FOXP2: variants seen among roughly 807,000 people sequenced by gnomAD.
FOXP2 encodes forkhead box P2, also known as forkhead box protein P2.
A neutral mutation model predicts 115.8 loss-of-function variants in FOXP2; 12 were observed. The ratio of observed to expected loss-of-function variants is 0.10; its 90% CI spans 0.07 to 0.17. The LOEUF is 0.17. Ranked by LOEUF, FOXP2 falls within the 10% of genes least tolerant of loss-of-function variation. The pLI, the probability that FOXP2 is intolerant of heterozygous loss-of-function variation, is 1.00. For missense variants in FOXP2, 629 were observed against 843.5 expected, an observed-to-expected ratio of 0.75 and a Z score of 3.15; for synonymous variants, 328 against 297.7, an observed-to-expected ratio of 1.10 and a Z score of -1.05.
At chr7:114,334,847 C>A (rs1797802439) in intron 2 of FOXP2, among the ~76,000 whole-genome samples, 1 of 145,184 alleles carries the variant, frequency 6.9e-6, no homozygotes, top group African/African-American at 2.5e-5. Context: ...GTTTTGTGAG[C>A]TAGAATGTAC....
chr7:114,363,452 G>A (rs535158339), intron 2 of FOXP2, among the ~76,000 whole-genome samples: 2 of 152,214 alleles, frequency 1.3e-5, no homozygotes, highest in African/African-American at 4.8e-5. Context: ...CATAAGGCGA[G>A]TGTCTTAAAA....
intron 1 of FOXP2, among the ~76,000 whole-genome samples, chr7:114,145,431 TTTTTCTTTTCTTTTCTTTTC>T (rs61612673): frequency 0.061 from 6,116 of 100,368 alleles, 332 homozygotes; most frequent in African/African-American, 0.17. Flanking sequence ...GCTTTGCCAT[TTTTTCTTTTCTTTTCTTTTC>T]TTTTCTTTTC....
At chr7:114,650,237 CA>C (rs1373545353) in intron 8 of FOXP2, among the ~76,000 whole-genome samples, 1 of 151,996 alleles carries the variant, frequency 6.6e-6, no homozygotes, top group Non-Finnish European at 1.5e-5. Context: ...TGTAGAAAAT[CA>C]TTTTAAAAAG....
At chr7:114,273,431 G>T (rs547422520) in intron 1 of FOXP2, among the ~76,000 whole-genome samples, 1 of 151,866 alleles carries the variant, frequency 6.6e-6, no homozygotes, top group Admixed American at 6.6e-5. Flanking sequence ...ATTATTGGCC[G>T]TCTCATGTAG....
chr7:114,661,487 A>G (rs2129341741), intron 13 of FOXP2, among the ~76,000 whole-genome samples: 1 of 152,202 alleles, frequency 6.6e-6, no homozygotes, highest in African/African-American at 2.4e-5. Flanking sequence ...ATTTAAAAAA[A>G]ATCTAAGTGT....
At chr7:114,387,781 C>A (rs1792488949) in intron 2 of FOXP2, among the ~76,000 whole-genome samples, 1 of 152,002 alleles carries the variant, frequency 6.6e-6, no homozygotes, top group Admixed American at 6.5e-5. Flanking sequence ...GTTTCTTATG[C>A]AATAGACAAG....
chr7:114,434,074 T>G (rs1794229378), intron 2 of FOXP2, among the ~76,000 whole-genome samples: 1 of 152,010 alleles, frequency 6.6e-6, no homozygotes, highest in Non-Finnish European at 1.5e-5. Context: ...TCAACTTTGA[T>G]TCAGGGAATG....
At chr7:114,431,995 C>T (rs1195193979) in intron 2 of FOXP2, among the ~76,000 whole-genome samples, 2 of 151,882 alleles carry the variant, frequency 1.3e-5, no homozygotes, top group Non-Finnish European at 1.5e-5. Context: ...ATGCTTTTAG[C>T]AATAGTTATT....
intron 2 of FOXP2, among the ~76,000 whole-genome samples, chr7:114,394,734 G>A (rs1039314363): frequency 3.3e-5 from 5 of 152,050 alleles, no homozygotes; most frequent in Non-Finnish European, 5.9e-5. Context: ...AAAATTAAGG[G>A]ACATCTACAA....
chr7:114,103,459 A>G (rs1250470907), intron 1 of FOXP2, among the ~76,000 whole-genome samples: 1 of 152,046 alleles, frequency 6.6e-6, no homozygotes, highest in Non-Finnish European at 1.5e-5. Flanking sequence ...ACTAAAACTA[A>G]CCTTGCCTAG....
intron 1 of FOXP2, among the ~76,000 whole-genome samples, chr7:114,095,459 T>A (rs77447316): frequency 0.081 from 12,350 of 152,096 alleles, 1,043 homozygotes; most frequent in African/African-American, 0.22. Context: ...TAAAGGGTTT[T>A]TTTTTTTCAG....
chr7:114,090,333 A>AT (rs1205146902), intron 1 of FOXP2, among the ~76,000 whole-genome samples: 2 of 151,816 alleles, frequency 1.3e-5, no homozygotes, highest in African/African-American at 4.8e-5. Flanking sequence ...CATTCAAGCT[A>AT]TTTTTTTCTT....
At chr7:114,212,321 G>T (rs1487802658) in intron 1 of FOXP2, among the ~76,000 whole-genome samples, 1 of 151,828 alleles carries the variant, frequency 6.6e-6, no homozygotes, top group Non-Finnish European at 1.5e-5. Flanking sequence ...TTAGTAACAA[G>T]ATAGCTAATG....
At chr7:114,431,550 A>C (rs1243429825) in intron 2 of FOXP2, among the ~76,000 whole-genome samples, 1 of 151,928 alleles carries the variant, frequency 6.6e-6, no homozygotes, top group Admixed American at 6.6e-5. Context: ...AACGGCTGGA[A>C]TTTTTATGTT....
intron 1 of FOXP2, among the ~76,000 whole-genome samples, chr7:114,125,293 A>T (rs1241763917): frequency 3.3e-5 from 5 of 152,148 alleles, no homozygotes; most frequent in Admixed American, 3.3e-4. Context: ...ATAGTTAAAG[A>T]TTGTTTAATC....
chr7:114,426,361 C>T, intron 1 of FOXP2, 141 bp from the exon 2 acceptor site: 1 of 739,640 alleles, frequency 1.4e-6, no homozygotes. Flanking sequence ...GTATTGCTTT[C>T]CTTGGTAAAT....
chr7:114,105,129 GAA>G (rs755888085), intron 1 of FOXP2, among the ~76,000 whole-genome samples: 13 of 152,026 alleles, frequency 8.6e-5, no homozygotes, highest in Admixed American at 2.6e-4. Context: ...AATGGAGAGA[GAA>G]ATGATGAGAT....
At position 114,223,848 on chromosome 7, in the gene FOXP2, T is replaced by G. The variant is rs180858420; in HGVS notation, c.-102+60760T>G. On this transcript the variant is annotated intron_variant, in intron 1 of 17. Transcript: ENST00000634411. ...TTAATTTAGTTTATCAATTTTAATTTAATTTATCAAAAAAATTTTTTTATG... is the reference window on the plus strand; with the variant it reads ...TTAATTTAGTTTATCAATTTTAATTGAATTTATCAAAAAAATTTTTTTATG... Among the ~76,000 whole-genome samples, 743 of 151,986 alleles carry G rather than the reference T, an allele frequency of 4.9e-3. 9 individuals are homozygous for G. Among genetic ancestry groups the G allele is most frequent in the African/African-American group, 0.017 (702 of 41,532 alleles).
intron 1 of FOXP2, among the ~76,000 whole-genome samples, chr7:114,180,521 C>T (rs1318912340): frequency 6.6e-6 from 1 of 151,896 alleles, no homozygotes; most frequent in Non-Finnish European, 1.5e-5. Flanking sequence ...CAGTTGCCTC[C>T]TTGATATCCC....
Sources: allele counts gnomAD v4.1 joint callset (sites outside exome capture counted in the v4.1 genomes callset), GRCh38; gene constraint gnomAD v4.1.1; transcripts MANE v1.5; gene names NCBI Gene and HGNC (gene_info 2026-07-23, HGNC 2026-07-21).